The following KCNN3 variants were observed in gnomAD, a reference collection of about 807,000 sequenced individuals.
The protein encoded by KCNN3 is potassium calcium-activated channel subfamily N member 3.
A neutral mutation model predicts 62.9 loss-of-function variants in KCNN3; 16 were observed. That is an observed-to-expected ratio of 0.25 (90% CI 0.17 to 0.39). The LOEUF is 0.39. Ranked by LOEUF, KCNN3 falls within the 10% of genes least tolerant of loss-of-function variation. The pLI, the probability that KCNN3 is intolerant of heterozygous loss-of-function variation, is 1.00. For synonymous variants in KCNN3, 370 were observed against 389.2 expected, an observed-to-expected ratio of 0.95 and a Z score of 0.58; for missense variants, 599 against 949.4, an observed-to-expected ratio of 0.63 and a Z score of 4.85.
intron 3 of KCNN3, among the ~76,000 whole-genome samples, chr1:154,741,526 T>C (rs1700821622): frequency 6.6e-6 from 1 of 152,192 alleles, no homozygotes; most frequent in Admixed American, 6.5e-5. Context: ...TAAACCTTTG[T>C]CAAGGTGGCT....
At chr1:154,810,687 AG>A (rs1442952318) in intron 2 of KCNN3, among the ~76,000 whole-genome samples, 17 of 152,176 alleles carry the variant, frequency 1.1e-4, no homozygotes, top group Admixed American at 2.0e-4. Context: ...GGCTGGGATG[AG>A]GGCCTCCAGA....
chr1:154,725,822 C>T lies in KCNN3; in HGVS notation c.1701+94G>A, dbSNP rs139354313. On this transcript the variant is annotated intron_variant, in intron 5 of 7. Transcript: ENST00000271915. ...CCTCCTAAAGTGTTGGGATTACAGG[C>T]GTGAGCCACTGCACCCGTTGGACCA... 2.1e-5 allele frequency: 18 copies of T among 877,056 alleles called. No homozygotes were observed. The Admixed American group carries it at 2.4e-4, about 12-fold the overall frequency. The allele number at this position is 877,056 out of a possible 1,614,324, so 54.3% of individuals were successfully genotyped here. A position where few individuals can be genotyped will look rare whatever the true frequency, so the allele number is the denominator to read the frequency against.
At chr1:154,714,731 C>T in intron 6 of KCNN3, 145 bp downstream of exon 6, 1 of 1,115,278 alleles carries the variant, frequency 9.0e-7, no homozygotes, top group Non-Finnish European at 1.3e-6. Flanking sequence ...GTGGCTGGTG[C>T]AGTCAGTGAG....
At chr1:154,788,630 C>T (rs1483870762) in intron 2 of KCNN3, among the ~76,000 whole-genome samples, 1 of 152,114 alleles carries the variant, frequency 6.6e-6, no homozygotes, top group African/African-American at 2.4e-5. Context: ...CCAAATACTC[C>T]CCTGCCTTCC....
intron 5 of KCNN3, among the ~76,000 whole-genome samples, chr1:154,716,016 T>C (rs1045941511): frequency 6.6e-6 from 1 of 152,230 alleles, no homozygotes; most frequent in African/African-American, 2.4e-5. Flanking sequence ...GAGCAATGTC[T>C]GAAAATCAGT....
chr1:154,823,862 G>C (rs1381751079), intron 1 of KCNN3, among the ~76,000 whole-genome samples: 1 of 152,106 alleles, frequency 6.6e-6, no homozygotes, highest in Non-Finnish European at 1.5e-5. Context: ...AGGAGGGCTT[G>C]GGACTCGAAC....
intron 1 of KCNN3, among the ~76,000 whole-genome samples, chr1:154,853,410 A>G (rs1652384335): frequency 6.6e-6 from 1 of 152,198 alleles, no homozygotes; most frequent in Admixed American, 6.5e-5. Flanking sequence ...ATCACAGCTC[A>G]CTACAGCTTT....
chr1:154,869,226 C>G lies in KCNN3; in HGVS notation c.739G>C (p.Gly247Arg). ...AAGGTGGTGCTGCTGGCGGTGGTGCCGGCATGCTGGTGGTTGTGGGTGGCA... is the reference window on the plus strand; with the variant it reads ...AAGGTGGTGCTGCTGGCGGTGGTGCGGGCATGCTGGTGGTTGTGGGTGGCA... ...PNATHNHQHA[G>R]TTASSTTFPK... Residue 247 changes from glycine to arginine, a missense_variant, in exon 1 of 8, where the codon GGC becomes CGC. Around this residue, in one of 7 missense-constraint regions of KCNN3, gnomAD observed 80 missense variants for 85.4 expected, o/e 0.94. Coordinates refer to ENST00000271915, the MANE Select transcript of KCNN3 (RefSeq NM_002249.6). This position sits in a 1 kb window ranked among gnomAD's most constrained non-coding sequence, Gnocchi z 6.1. The G allele has an allele frequency of 6.2e-7, 1 of 1,613,938 alleles. No homozygotes were observed. Among genetic ancestry groups the G allele is most frequent in the Non-Finnish European group, 8.5e-7 (1 of 1,179,974 alleles).
rs1393475084 is a variant in KCNN3, at chr1:154,869,546, G to A, written c.419C>T (p.Ser140Phe). 4 of 1,614,040 alleles carry A rather than the reference G, an allele frequency of 2.5e-6. No homozygotes were observed. The African/African-American group carries it at 5.3e-5, about 22-fold the overall frequency. ...LNLNDHLLGH[S>F]PSSTATSGPG... ...CCCACTTGTAGCTGTGGAACTTGGA[G>A]AGTGGCCAAGCAAGTGGTCATTGAG... The change falls in exon 1 of 8, where the codon TCT becomes TTT. Residue 140 changes from serine to phenylalanine, a missense_variant. By Grantham distance (155) the Ser-to-Phe change is radical. This residue lies in a region of KCNN3 where 112 missense variants were observed against 142.9 expected (regional missense o/e 0.78). Transcript: ENST00000271915. The surrounding 1 kb of genome is among the most constrained non-coding windows in gnomAD (Gnocchi z 6.1).
intron 2 of KCNN3, among the ~76,000 whole-genome samples, chr1:154,776,066 G>A (rs764013230): frequency 1.2e-3 from 182 of 152,328 alleles, no homozygotes; most frequent in Admixed American, 2.5e-3. Flanking sequence ...GAGACGGGAG[G>A]GTGCTGGTCC....
intron 3 of KCNN3, among the ~76,000 whole-genome samples, chr1:154,734,294 TCTC>T (rs1700663304): frequency 6.6e-6 from 1 of 151,946 alleles, no homozygotes; most frequent in African/African-American, 2.4e-5. Context: ...CTTGATAAAA[TCTC>T]CTCTTAACCA....
At chr1:154,719,803 T>C (rs7523077) in intron 5 of KCNN3, among the ~76,000 whole-genome samples, 58,896 of 151,884 alleles carry the variant, frequency 0.39, 13,726 homozygotes, top group African/African-American at 0.67. Flanking sequence ...TCACCCTGCT[T>C]GCACCTCCTC....
chr1:154,867,090 C>A (rs1652985613), intron 1 of KCNN3, among the ~76,000 whole-genome samples: 1 of 152,214 alleles, frequency 6.6e-6, no homozygotes, highest in Non-Finnish European at 1.5e-5. Flanking sequence ...CTTCCCCACA[C>A]CCCCCTTGCA....
At chr1:154,797,631 G>A (rs1370954308) in intron 2 of KCNN3, among the ~76,000 whole-genome samples, 1 of 152,200 alleles carries the variant, frequency 6.6e-6, no homozygotes, top group African/African-American at 2.4e-5. Flanking sequence ...GAAGCTCTAT[G>A]AGGGCAGGGA....
chr1:154,758,479 C>T (rs570106709), intron 3 of KCNN3, among the ~76,000 whole-genome samples: 1 of 152,362 alleles, frequency 6.6e-6, no homozygotes, highest in Non-Finnish European at 1.5e-5. Flanking sequence ...ATGTCTGGCC[C>T]TGTCTGAGAG....
intron 5 of KCNN3, among the ~76,000 whole-genome samples, chr1:154,724,455 G>A (rs756713938): frequency 8.5e-5 from 13 of 152,268 alleles, no homozygotes; most frequent in South Asian, 4.1e-4. Flanking sequence ...GCCGAGACAC[G>A]GGCACAGGGT....
chr1:154,807,940 T>C (rs1183056424), intron 2 of KCNN3, among the ~76,000 whole-genome samples: 3 of 152,056 alleles, frequency 2.0e-5, no homozygotes, highest in Non-Finnish European at 4.4e-5. Context: ...TCATCCACCA[T>C]TCCTCTAGCC....
At chr1:154,715,560 CCTTTCTTT>C (rs963013293) in intron 5 of KCNN3, among the ~76,000 whole-genome samples, 1 of 150,060 alleles carries the variant, frequency 6.7e-6, no homozygotes, top group Admixed American at 6.6e-5. Flanking sequence ...TTTCTTTCTT[CCTTTCTTT>C]CTTTCTTTTT....
chr1:154,704,406 T>C lies in KCNN3; in HGVS notation c.*3570A>G, dbSNP rs1699925121. 1 of 152,230 alleles carries C rather than the reference T, an allele frequency of 6.6e-6. No individual in the cohort carries two copies. The highest frequency in any genetic ancestry group is 2.4e-5 in the African/African-American group (1 of 41,452). The allele number at this position is 152,230 out of a possible 1,614,324, so 9.4% of individuals were successfully genotyped here. A position where few individuals can be genotyped will look rare whatever the true frequency, so the allele number is the denominator to read the frequency against. On this transcript the variant is annotated 3_prime_UTR_variant, in exon 8 of 8. Coordinates refer to ENST00000271915, the MANE Select transcript of KCNN3 (RefSeq NM_002249.6). ...ATATATGTGGCCTTTGATCCAAAGGTGAAGACTTTTATTTGGACTTCAATC... is the reference window on the plus strand; with the variant it reads ...ATATATGTGGCCTTTGATCCAAAGGCGAAGACTTTTATTTGGACTTCAATC...
Sources: gnomAD v4.1 joint callset for allele counts (sites outside exome capture counted in the v4.1 genomes callset) on GRCh38, gnomAD v4.1.1 for gene constraint, gnomAD v4.1.1 regional missense constraint, Gnocchi (gnomAD v3.1) non-coding constraint, MANE v1.5 for transcripts, NCBI Gene and HGNC (gene_info 2026-07-23, HGNC 2026-07-21) for gene names.